Variants in CTNNA3 observed in about 807,000 individuals in gnomAD.
The protein encoded by CTNNA3 is catenin alpha 3.
In CTNNA3, 76 loss-of-function variants were observed where a neutral mutation model predicts 95.7. That is an observed-to-expected ratio of 0.79 (90% CI 0.66 to 0.96). The LOEUF (loss-of-function observed/expected upper bound fraction) is 0.96. CTNNA3 is among the 40% of genes least tolerant of loss of function. The pLI, the probability that CTNNA3 is intolerant of heterozygous loss-of-function variation, is 0.00. For missense variants in CTNNA3, 1,191 were observed against 1,089.8 expected, an observed-to-expected ratio of 1.09 and a Z score of -1.31; for synonymous variants, 431 against 374.4, an observed-to-expected ratio of 1.15 and a Z score of -1.74.
chr10:66,241,470 C>G (rs190713698), intron 13 of CTNNA3, among the ~76,000 whole-genome samples: 9 of 152,244 alleles, frequency 5.9e-5, no homozygotes, highest in Admixed American at 1.3e-4. Context: ...AATGGTCTTA[C>G]AACATATCTT....
chr10:66,978,053 CAT>C (rs758434893), intron 7 of CTNNA3, among the ~76,000 whole-genome samples: 135 of 134,538 alleles, frequency 1.0e-3, no homozygotes, highest in African/African-American at 3.1e-3. Flanking sequence ...TTTGCACACA[CAT>C]ATATATATAT....
chr10:66,711,258 C>CAAAAAAA (rs56013857), intron 9 of CTNNA3, among the ~76,000 whole-genome samples: 121 of 118,054 alleles, frequency 1.0e-3, no homozygotes, highest in Non-Finnish European at 1.3e-3. Context: ...GAACAAGAAA[C>CAAAAAAA]AAAAAAAAAA....
chr10:67,457,245 T>A (rs903570897), intron 5 of CTNNA3, among the ~76,000 whole-genome samples: 4 of 152,052 alleles, frequency 2.6e-5, no homozygotes, highest in Admixed American at 1.3e-4. Context: ...CAAGAAGAGC[T>A]GAAGATGCTT....
At chr10:66,289,745 T>C (rs1203993347) in intron 12 of CTNNA3, among the ~76,000 whole-genome samples, 2 of 152,056 alleles carry the variant, frequency 1.3e-5, no homozygotes, top group Non-Finnish European at 2.9e-5. Flanking sequence ...AGACACTATT[T>C]TAAACAAGTC....
At chr10:65,938,157 G>A (rs1786911) in intron 17 of CTNNA3, among the ~76,000 whole-genome samples, 22,972 of 152,086 alleles carry the variant, frequency 0.15, 2,158 homozygotes, top group South Asian at 0.23. Context: ...TCTGGAGCAA[G>A]TTTAGAAAAT....
intron 7 of CTNNA3, among the ~76,000 whole-genome samples, chr10:66,935,197 C>A (rs1418065560): frequency 6.6e-6 from 1 of 152,066 alleles, no homozygotes; most frequent in East Asian, 1.9e-4. Context: ...CTCACAAGAG[C>A]TTTAAAGGAA....
At chr10:66,575,052 G>GA (rs1427504645) in intron 10 of CTNNA3, among the ~76,000 whole-genome samples, 1 of 151,984 alleles carries the variant, frequency 6.6e-6, no homozygotes. Flanking sequence ...TATATTATTT[G>GA]AAAAAATGCA....
At chr10:67,526,763 TTAAAAGTTCCA>T (rs1288488011) in intron 4 of CTNNA3, among the ~76,000 whole-genome samples, 29 of 152,198 alleles carry the variant, frequency 1.9e-4, no homozygotes, top group Non-Finnish European at 4.0e-4. Context: ...CTTTATAAAC[TTAAAAGTTCCA>T]TAAAATTGAA....
At chr10:67,511,182 C>G (rs1839614146) in intron 5 of CTNNA3, among the ~76,000 whole-genome samples, 1 of 152,084 alleles carries the variant, frequency 6.6e-6, no homozygotes, top group Non-Finnish European at 1.5e-5. Flanking sequence ...ATACCCTTTA[C>G]TTCTTTCTCT....
At chr10:66,442,255 A>G (rs1258273253) in intron 11 of CTNNA3, among the ~76,000 whole-genome samples, 1 of 152,182 alleles carries the variant, frequency 6.6e-6, no homozygotes, top group East Asian at 1.9e-4. Flanking sequence ...ACTATTTTAT[A>G]TAAGGAACTT....
intron 10 of CTNNA3, among the ~76,000 whole-genome samples, chr10:66,525,711 G>A (rs986648920): frequency 3.3e-5 from 5 of 152,008 alleles, no homozygotes; most frequent in Non-Finnish European, 1.5e-5. Context: ...AAACTCAGTG[G>A]CATTAAGTAC....
chr10:67,309,157 A>T (rs1406625194), intron 5 of CTNNA3, among the ~76,000 whole-genome samples: 2 of 151,972 alleles, frequency 1.3e-5, no homozygotes, highest in African/African-American at 2.4e-5. Flanking sequence ...AATGCACTCT[A>T]TTTTTTTGTG....
intron 16 of CTNNA3, among the ~76,000 whole-genome samples, chr10:65,972,112 C>T (rs1166653830): frequency 2.0e-5 from 3 of 152,000 alleles, no homozygotes; most frequent in Non-Finnish European, 2.9e-5. Flanking sequence ...TACAACATCC[C>T]TTCATGATAA....
chr10:65,932,597 A>G (rs1223454198), intron 17 of CTNNA3, among the ~76,000 whole-genome samples: 1 of 152,140 alleles, frequency 6.6e-6, no homozygotes, highest in Non-Finnish European at 1.5e-5. Flanking sequence ...CCGTAACTCC[A>G]AAGCCCTCAT....
rs539856902 is a variant in CTNNA3 at position 66,685,145 on chromosome 10, C to CTA, written c.1282-63363_1282-63362dup. Among the ~76,000 whole-genome samples, 214 of 134,694 alleles carry CTA rather than the reference C, an allele frequency of 1.6e-3. 1 individual carries two copies. The highest frequency in any genetic ancestry group is 5.5e-3 in the African/African-American group (195 of 35,512). 88.4% of individuals were successfully genotyped at this position (134,694 alleles called of 152,430 possible). A position where few individuals can be genotyped will look rare whatever the true frequency, so the allele number is the denominator to read the frequency against. On this transcript the variant is annotated intron_variant, in intron 9 of 17. Coordinates refer to ENST00000433211, the MANE Select transcript of CTNNA3 (RefSeq NM_013266.4). Reference sequence around the variant, plus strand: ...AAGCTATAAGGCATTCTTAGAAGAACTATATATATATACACGTATATATAT... The same window carrying CTA: ...AAGCTATAAGGCATTCTTAGAAGAACTATATATATATATACACGTATATATAT...
chr10:66,538,247 C>T (rs556434742), intron 10 of CTNNA3, among the ~76,000 whole-genome samples: 1 of 152,090 alleles, frequency 6.6e-6, no homozygotes, highest in African/African-American at 2.4e-5. Context: ...TGATGTTCGG[C>T]TAGTGATCAA....
At chr10:66,712,295 C>T (rs1004932702) in intron 9 of CTNNA3, among the ~76,000 whole-genome samples, 3 of 151,988 alleles carry the variant, frequency 2.0e-5, no homozygotes, top group Admixed American at 2.0e-4. Flanking sequence ...GTTATTTCCC[C>T]TAGGCAGTTT....
intron 7 of CTNNA3, among the ~76,000 whole-genome samples, chr10:67,079,493 T>C (rs1856922583): frequency 6.6e-6 from 1 of 152,058 alleles, no homozygotes; most frequent in African/African-American, 2.4e-5. Context: ...GAGGAAACAA[T>C]AGAAAAGGCA....
intron 3 of CTNNA3, among the ~76,000 whole-genome samples, chr10:67,595,498 T>A (rs558809329): frequency 6.6e-6 from 1 of 152,304 alleles, no homozygotes; most frequent in African/African-American, 2.4e-5. Flanking sequence ...GGACCTGGAA[T>A]GTGGTTGGTA....
Sources: gnomAD v4.1 joint callset for allele counts (sites outside exome capture counted in the v4.1 genomes callset) on GRCh38, gnomAD v4.1.1 for gene constraint, MANE v1.5 for transcripts, NCBI Gene and HGNC (gene_info 2026-07-23, HGNC 2026-07-21) for gene names.